The following MAP3K3 variants were observed in gnomAD, a reference collection of about 807,000 sequenced individuals.
MAP3K3 encodes the protein MAP/ERK kinase kinase 3.
Under a neutral mutation model 80.9 loss-of-function variants are expected in MAP3K3, and 12 were observed. The observed-to-expected ratio is 0.15, with a 90% CI of 0.10 to 0.24. The LOEUF (loss-of-function observed/expected upper bound fraction) is 0.24. MAP3K3 is among the 10% of genes least tolerant of loss of function. The pLI, the probability that MAP3K3 is intolerant of heterozygous loss-of-function variation, is 1.00. For synonymous variants in MAP3K3, 272 were observed against 307.1 expected (o/e 0.89, Z 1.19); for missense variants, 596 against 834.7 (o/e 0.71, Z 3.52).
At chr17:63,629,905 C>T (rs1016292616) in intron 1 of MAP3K3, among the ~76,000 whole-genome samples, 5 of 152,196 alleles carry the variant, frequency 3.3e-5, no homozygotes, top group African/African-American at 1.2e-4. Flanking sequence ...ATAATAGCGT[C>T]ATCTTATACA....
chr17:63,648,996 A>T (rs1240643074), intron 3 of MAP3K3, among the ~76,000 whole-genome samples: 2 of 152,246 alleles, frequency 1.3e-5, no homozygotes, highest in Non-Finnish European at 2.9e-5. Context: ...TTATATTAAT[A>T]GTCTATCAAT....
intron 3 of MAP3K3, among the ~76,000 whole-genome samples, chr17:63,650,624 T>C (rs964552766): frequency 3.3e-5 from 5 of 150,392 alleles, no homozygotes; most frequent in Non-Finnish European, 7.4e-5. Flanking sequence ...TTTTATGTTA[T>C]GGTTAGGAAG....
At chr17:63,644,151 A>C (rs572552945) in intron 2 of MAP3K3, among the ~76,000 whole-genome samples, 2 of 152,170 alleles carry the variant, frequency 1.3e-5, no homozygotes, top group African/African-American at 4.8e-5. Flanking sequence ...AACGTTAGCT[A>C]TTATCATTAT....
intron 2 of MAP3K3, chr17:63,634,925 C>G (rs555343606): frequency 4.8e-6 from 4 of 832,588 alleles, no homozygotes; most frequent in Non-Finnish European, 8.0e-6. Flanking sequence ...ATTGGTTACC[C>G]GTGACCTGTG....
In MAP3K3 at chr17:63,634,867, G is replaced by A. The variant is rs1003128284; in HGVS notation, c.126+2065G>A. 6 of 1,352,722 alleles carry A rather than the reference G, an allele frequency of 4.4e-6. No individual in the cohort carries two copies. In the African/African-American group the frequency reaches 7.3e-5, roughly 16 times the overall value. The allele number at this position is 1,352,722 out of a possible 1,614,324, so 83.8% of individuals were successfully genotyped here. On this transcript the variant is annotated intron_variant, in intron 2 of 15. Transcript: ENST00000361733. ...TAAATCTGCTACTCATGCTGCAACA[G>A]CAGAATTCACTTCCCAGACAAGTTG...
In MAP3K3 at chr17:63,693,939, C is replaced by T. The variant is rs771267664; in HGVS notation, c.*162C>T. ...CCCTTCCGCCACTGGGGCTCAGAGC[C>T]GGGGTGGGGTGGCTGCAGCCTCAGG... On this transcript the variant is annotated 3_prime_UTR_variant, in exon 16 of 16. Transcript: ENST00000361733. The surrounding 1 kb of genome is among the most constrained non-coding windows in gnomAD (Gnocchi z 4.2). The T allele has an allele frequency of 2.7e-5, 16 of 591,744 alleles. No homozygotes were observed. Among genetic ancestry groups the T allele is most frequent in the East Asian group, 9.7e-5 (3 of 30,938 alleles). 36.7% of individuals were successfully genotyped at this position (591,744 alleles called of 1,614,324 possible).
At chr17:63,664,563 A>T (rs374741318) in intron 5 of MAP3K3, among the ~76,000 whole-genome samples, 45 of 152,100 alleles carry the variant, frequency 3.0e-4, no homozygotes, top group African/African-American at 1.0e-3. Flanking sequence ...TTTGTAACTT[A>T]TTTTTCTACT....
intron 3 of MAP3K3, among the ~76,000 whole-genome samples, chr17:63,647,769 C>T (rs1197900623): frequency 6.6e-6 from 1 of 152,150 alleles, no homozygotes; most frequent in Non-Finnish European, 1.5e-5. Context: ...CCACACAGCT[C>T]TAGTTTCGTG....
rs556413536 is a variant in MAP3K3, at chr17:63,647,048, C to T, written c.167+974C>T. 2.6e-5 allele frequency among the ~76,000 whole-genome samples: 4 copies of T among 152,304 alleles called. No individual in the cohort carries two copies. The East Asian group carries it at 7.7e-4, about 29-fold the overall frequency. On this transcript the variant is annotated intron_variant, in intron 3 of 15. Transcript: ENST00000361733. ...ACCACAGGACCTTAGTACCTCTAAA[C>T]ATTCTTGATTCTGGTAGTTCTCTAC...
intron 7 of MAP3K3, among the ~76,000 whole-genome samples, chr17:63,684,519 A>G (rs1261193545): frequency 6.6e-6 from 1 of 152,178 alleles, no homozygotes; most frequent in East Asian, 1.9e-4. Context: ...GACTTAAAGC[A>G]TTTGAAATTA....
At chr17:63,632,864 T>C in intron 2 of MAP3K3, 62 bp downstream of exon 2, 30 of 1,604,602 alleles carry the variant, frequency 1.9e-5, no homozygotes, top group Non-Finnish European at 2.4e-5. Context: ...AAATGGGAAA[T>C]ATACGAAAAG....
At chr17:63,636,670 A>G (rs1051966521) in intron 2 of MAP3K3, 3 of 257,522 alleles carry the variant, frequency 1.2e-5, no homozygotes, top group Non-Finnish European at 2.4e-5. Flanking sequence ...TGTGTCTCCC[A>G]TGTGCCAAGT....
chr17:63,629,999 A>G (rs866529528), intron 1 of MAP3K3, among the ~76,000 whole-genome samples: 15 of 152,322 alleles, frequency 9.8e-5, no homozygotes, highest in African/African-American at 3.4e-4. Flanking sequence ...ATGTGTATTC[A>G]CATCCATCTT....
Position 63,645,951 on chromosome 17 carries a change from G to T in MAP3K3, c.127-83G>T. 3 of 1,096,798 alleles carry T rather than the reference G, an allele frequency of 2.7e-6. No homozygotes were observed. The South Asian group carries it at 3.8e-5, about 14-fold the overall frequency. The allele number at this position is 1,096,798 out of a possible 1,614,324, so 67.9% of individuals were successfully genotyped here. On this transcript the variant is annotated intron_variant, in intron 2 of 15. Transcript: ENST00000361733. ...GGGATGTATGCCTAATGTTGCTAAC[G>T]AACTGCCCAAGGCTTACTTGGCAAT...
intron 3 of MAP3K3, among the ~76,000 whole-genome samples, chr17:63,650,664 G>A (rs1292554279): frequency 1.6e-5 from 2 of 121,584 alleles, no homozygotes; most frequent in East Asian, 4.0e-4. Context: ...CTTATAGAGA[G>A]AGAGAGAGAG....
chr17:63,674,824 C>A (rs994669918), intron 6 of MAP3K3, among the ~76,000 whole-genome samples: 6 of 152,046 alleles, frequency 3.9e-5, no homozygotes, highest in Non-Finnish European at 5.9e-5. Context: ...AGAGAGGAGC[C>A]CTCTCTGCCT....
chr17:63,640,224 G>A (rs117054431), intron 2 of MAP3K3, among the ~76,000 whole-genome samples: 2,190 of 152,256 alleles, frequency 0.014, 28 homozygotes, highest in Middle Eastern at 0.051. Flanking sequence ...AATCTGTAGC[G>A]CACAGTGATT....
At chr17:63,628,653 C>G (rs2034155168) in intron 1 of MAP3K3, among the ~76,000 whole-genome samples, 1 of 152,182 alleles carries the variant, frequency 6.6e-6, no homozygotes, top group African/African-American at 2.4e-5. Flanking sequence ...AGCCCCTGGG[C>G]CCTGCCAATT....
Position 63,658,565 on chromosome 17 carries a change from G to A in MAP3K3, c.381+658G>A, listed in dbSNP as rs73339406. 1.7e-3 allele frequency among the ~76,000 whole-genome samples: 264 copies of A among 152,196 alleles called. 1 individual carries two copies. Among genetic ancestry groups the A allele is most frequent in the African/African-American group, 6.0e-3 (251 of 41,494 alleles). On this transcript the variant is annotated intron_variant, in intron 5 of 15. Transcript: ENST00000361733. ...CTTCCAATTACTGATTCTTCTACCA[G>A]TTTTCTTCAGATGCATGTTTCTGAA...
Sources: allele counts gnomAD v4.1 joint callset (sites outside exome capture counted in the v4.1 genomes callset), GRCh38; gene constraint gnomAD v4.1.1; non-coding constraint Gnocchi (gnomAD v3.1); transcripts MANE v1.5; gene names NCBI Gene and HGNC (gene_info 2026-07-23, HGNC 2026-07-21).